Variants in DOP1B observed in about 807,000 individuals in gnomAD.
DOP1B encodes DOP1 leucine zipper like protein B.
DOP1B carries 174 observed loss-of-function variants against 233.5 expected under a neutral mutation model. That is an observed-to-expected ratio of 0.75 (90% CI 0.66 to 0.85). The LOEUF is 0.85. DOP1B is among the 40% of genes least tolerant of loss of function. The probability of loss-of-function intolerance (pLI) is 0.00; values close to 1 mark genes in which losing one functional copy is unlikely to be tolerated. For synonymous variants in DOP1B, 1,190 were observed against 1,185.6 expected, an observed-to-expected ratio of 1.00 and a Z score of -0.08; for missense variants, 2,652 against 2,846.6, an observed-to-expected ratio of 0.93 and a Z score of 1.56.
Position 36,289,561 on chromosome 21 carries a change from GT to G in DOP1B, c.6515+357del, listed in dbSNP as rs1239451003. Among the ~76,000 whole-genome samples the G allele has an allele frequency of 7.3e-5, 11 of 151,462 alleles. No homozygotes were observed. In the East Asian group the frequency reaches 2.2e-3, roughly 30 times the overall value. On this transcript the variant is annotated intron_variant, in intron 35 of 36. Coordinates refer to ENST00000691173, the MANE Select transcript of DOP1B (RefSeq NM_001320714.2). ...GTGTAGACCTTTTTGTCTGTGTTTAGTTAGATACAAATGCCTTTATTTGGAG... is the reference window on the plus strand; with the variant it reads ...GTGTAGACCTTTTTGTCTGTGTTTAGTAGATACAAATGCCTTTATTTGGAG...
At chr21:36,241,034 C>T (rs2066886594) in intron 18 of DOP1B, among the ~76,000 whole-genome samples, 1 of 152,054 alleles carries the variant, frequency 6.6e-6, no homozygotes, top group South Asian at 2.1e-4. Flanking sequence ...GTGGCTCACC[C>T]CTGTAATCCC....
intron 24 of DOP1B, among the ~76,000 whole-genome samples, chr21:36,262,264 G>C (rs2067179686): frequency 6.6e-6 from 1 of 152,210 alleles, no homozygotes; most frequent in South Asian, 2.1e-4. Flanking sequence ...GTAGTGGCCT[G>C]AGGGACAGCT....
intron 8 of DOP1B, 113 bp from the exon 9 acceptor site, chr21:36,214,329 T>C: frequency 4.7e-6 from 6 of 1,279,138 alleles, no homozygotes; most frequent in African/African-American, 1.5e-5. Context: ...TGTTGCATGC[T>C]GGGTGACTGG....
chr21:36,244,425 CT>C (rs1398281304), intron 18 of DOP1B, among the ~76,000 whole-genome samples: 1 of 151,892 alleles, frequency 6.6e-6, no homozygotes, highest in Admixed American at 6.6e-5. Context: ...GGATACATTT[CT>C]GTTTTTTTGT....
intron 26 of DOP1B, among the ~76,000 whole-genome samples, chr21:36,268,851 G>A (rs2067257083): frequency 6.6e-6 from 1 of 151,786 alleles, no homozygotes; most frequent in African/African-American, 2.4e-5. Context: ...TGTATTTTTA[G>A]CAGAGACGGG....
chr21:36,218,324 G>T (rs1450233436), intron 9 of DOP1B, among the ~76,000 whole-genome samples: 1 of 152,092 alleles, frequency 6.6e-6, no homozygotes, highest in African/African-American at 2.4e-5. Context: ...CTGAGGTCAG[G>T]AGTTCAAGAC....
chr21:36,199,363 A>G, intron 3 of DOP1B, 112 bp downstream of exon 3: 1 of 1,361,680 alleles, frequency 7.3e-7, no homozygotes. Flanking sequence ...TGTGTGTGCA[A>G]CAGTTTATCA....
chr21:36,254,199 A>G (rs1211151712), intron 23 of DOP1B, among the ~76,000 whole-genome samples: 2 of 152,150 alleles, frequency 1.3e-5, no homozygotes, highest in Non-Finnish European at 2.9e-5. Context: ...TCTGGGCACC[A>G]AGTGGAATAA....
rs762890737 is a variant in DOP1B, at chr21:36,231,089, G to C, written c.2305G>C (p.Glu769Gln). 5.0e-6 allele frequency: 8 copies of C among 1,611,900 alleles called. No homozygotes were observed. The highest frequency in any genetic ancestry group is 3.4e-6 in the Non-Finnish European group (4 of 1,179,080). The stretch of plus-strand genomic sequence containing the variant: ...TGCCACTTTCCCTGTCTACCTGTCC[G>C]AGGAAGAGACCGAGCAGCTCTGTGC... Reference protein sequence around the residue: ...DCATFPVYLSEEETEQLCATL... With the variant: ...DCATFPVYLSQEETEQLCATL... The change falls in exon 14 of 37, where the codon GAG becomes CAG. Residue 769 changes from glutamate (E) to glutamine (Q), a missense_variant. Physicochemically the swap from Glu to Gln is conservative, Grantham distance 29. Coordinates refer to ENST00000691173, the MANE Select transcript of DOP1B (RefSeq NM_001320714.2).
chr21:36,263,888 A>G, intron 26 of DOP1B, 74 bp downstream of exon 26: 1 of 1,390,918 alleles, frequency 7.2e-7, no homozygotes, highest in Non-Finnish European at 1.0e-6. Flanking sequence ...GATATCAGAT[A>G]GCAGGTAGAC....
chr21:36,253,879 G>T lies in DOP1B; in HGVS notation c.5229G>T (p.Lys1743Asn), dbSNP rs374467248. Reference protein sequence around the residue: ...TLLHLVKEVVKRPPQVKGGDE... With the variant: ...TLLHLVKEVVNRPPQVKGGDE... The stretch of plus-strand genomic sequence containing the variant: ...TGCACCTGGTGAAGGAGGTGGTGAA[G>T]AGGCCACCCCAAGTCAAAGGGGGTG... Residue 1743 changes from lysine (K) to asparagine (N), a missense_variant, in exon 23 of 37, where the codon AAG becomes AAT. By Grantham distance (94) the Lys-to-Asn change is moderately conservative (BLOSUM62 0). This residue lies in a region of DOP1B where 2,617 missense variants were observed against 2,794.3 expected (regional missense o/e 0.94). Coordinates refer to ENST00000691173, the MANE Select transcript of DOP1B (RefSeq NM_001320714.2). 1.1e-5 allele frequency: 18 copies of T among 1,613,930 alleles called. No individual in the cohort carries two copies. The highest frequency in any genetic ancestry group is 2.7e-5 in the African/African-American group (2 of 74,926).
At chr21:36,255,479 C>G (rs766172910) in intron 23 of DOP1B, among the ~76,000 whole-genome samples, 7 of 149,054 alleles carry the variant, frequency 4.7e-5, no homozygotes, top group East Asian at 2.0e-4. Context: ...CAGGATCTCA[C>G]TGTCACCCAG....
chr21:36,169,411 C>T, intron 2 of DOP1B: 2 of 925,912 alleles, frequency 2.2e-6, no homozygotes, highest in Non-Finnish European at 3.6e-6. Flanking sequence ...GGTCAGGATG[C>T]CATGCCCCAA....
intron 2 of DOP1B, among the ~76,000 whole-genome samples, chr21:36,196,078 C>G (rs2066287247): frequency 6.6e-6 from 1 of 152,256 alleles, no homozygotes; most frequent in Non-Finnish European, 1.5e-5. Flanking sequence ...TGTGCACAGA[C>G]TGAGGGAACC....
rs2066754724 is a variant in DOP1B at position 36,230,821 on chromosome 21, G to C, written c.2037G>C (p.Lys679Asn). Residue 679 changes from lysine to asparagine, a missense_variant, in exon 14 of 37, where the codon AAG becomes AAC. Coordinates refer to ENST00000691173, the MANE Select transcript of DOP1B (RefSeq NM_001320714.2). ...QSLAANDSSR[K>N]NSWEPKPITV... Reference sequence around the variant, plus strand: ...TGGCAGCCAATGATTCCAGCAGGAAGAACTCTTGGGAGCCCAAGCCCATCA... The same window carrying C: ...TGGCAGCCAATGATTCCAGCAGGAACAACTCTTGGGAGCCCAAGCCCATCA... 1.9e-6 allele frequency: 3 copies of C among 1,614,144 alleles called. No individual in the cohort carries two copies. In the East Asian group the frequency reaches 6.7e-5, roughly 36 times the overall value.
intron 4 of DOP1B, among the ~76,000 whole-genome samples, chr21:36,207,477 G>A (rs994556282): frequency 1.3e-5 from 2 of 148,218 alleles, no homozygotes; most frequent in African/African-American, 2.5e-5. Context: ...GAGCCACCAC[G>A]CCCAGCCAAA....
chr21:36,160,086 C>T (rs911057378), intron 1 of DOP1B, among the ~76,000 whole-genome samples: 5 of 151,884 alleles, frequency 3.3e-5, no homozygotes, highest in African/African-American at 4.8e-5. Context: ...TGGAGTATTG[C>T]GGTGGTTTAG....
intron 2 of DOP1B, among the ~76,000 whole-genome samples, chr21:36,177,507 T>C (rs1438875301): frequency 6.6e-6 from 1 of 152,198 alleles, no homozygotes; most frequent in Non-Finnish European, 1.5e-5. Flanking sequence ...GTGCTGTGAT[T>C]TGAATGGCTC....
At chr21:36,239,107 C>T (rs1312311831) in intron 17 of DOP1B, among the ~76,000 whole-genome samples, 1 of 152,124 alleles carries the variant, frequency 6.6e-6, no homozygotes, top group African/African-American at 2.4e-5. Flanking sequence ...CCATCTCAAA[C>T]AAAGAAAAGC....
Sources: allele counts gnomAD v4.1 joint callset (sites outside exome capture counted in the v4.1 genomes callset), GRCh38; gene constraint gnomAD v4.1.1; regional missense constraint gnomAD v4.1.1; transcripts MANE v1.5; gene names NCBI Gene and HGNC (gene_info 2026-07-23, HGNC 2026-07-21).